RSRC1: variants seen among roughly 807,000 people sequenced by gnomAD.
RSRC1 encodes serine/Arginine-related protein 53.
In RSRC1, 39 loss-of-function variants were observed where a neutral mutation model predicts 49.1. The ratio of observed to expected loss-of-function variants is 0.79; its 90% CI spans 0.61 to 1.04. RSRC1 has a LOEUF of 1.04. Ranked by LOEUF, RSRC1 falls within the 50% of genes least tolerant of loss-of-function variation. The pLI, the probability that RSRC1 is intolerant of heterozygous loss-of-function variation, is 0.00. For missense variants in RSRC1, 388 were observed against 402.4 expected (o/e 0.96, Z 0.31); for synonymous variants, 143 against 130.8 (o/e 1.09, Z -0.63).
intron 7 of RSRC1, among the ~76,000 whole-genome samples, chr3:158,535,298 A>G (rs928938145): frequency 1.3e-5 from 2 of 151,372 alleles, no homozygotes; most frequent in African/African-American, 4.8e-5. Context: ...TAATACATAT[A>G]CATATTAAGA....
At chr3:158,146,780 G>A (rs961480789) in intron 3 of RSRC1, among the ~76,000 whole-genome samples, 4 of 152,124 alleles carry the variant, frequency 2.6e-5, no homozygotes, top group African/African-American at 9.7e-5. Context: ...TGGTTGGTAA[G>A]CTATTAATTA....
intron 6 of RSRC1, among the ~76,000 whole-genome samples, chr3:158,422,677 T>A (rs1208463432): frequency 1.3e-5 from 2 of 151,042 alleles, no homozygotes; most frequent in Non-Finnish European, 3.0e-5. Flanking sequence ...GTTGAACTAG[T>A]TTACAGTCCC....
chr3:158,417,304 A>G lies in RSRC1; in HGVS notation c.584-43631A>G, dbSNP rs114981248. Among the ~76,000 whole-genome samples the G allele has an allele frequency of 6.1e-3, 933 of 152,176 alleles. 13 individuals are homozygous for G. The highest frequency in any genetic ancestry group is 0.022 in the African/African-American group (900 of 41,558). On this transcript the variant is annotated intron_variant, in intron 6 of 9. Coordinates refer to ENST00000611884, the MANE Select transcript of RSRC1 (RefSeq NM_001271838.2). The stretch of plus-strand genomic sequence containing the variant: ...TAATCCTTTTCCAACTCCTAAAGCT[A>G]CCTTAATGCTATCATCAATCTGCTT...
intron 3 of RSRC1, among the ~76,000 whole-genome samples, chr3:158,137,728 A>G (rs1449252891): frequency 5.4e-5 from 8 of 148,264 alleles, no homozygotes; most frequent in Non-Finnish European, 8.9e-5. Flanking sequence ...ATCTCAGCTC[A>G]CTGCGACCTC....
At position 158,537,192 on chromosome 3, in the gene RSRC1, C is replaced by G; in HGVS notation, c.753C>G (p.Val251=). ...AGACATTCAGATCAAGTAAAGAAGT[C>G]AAAAAGGTAAGTTTTTATCCACCCA... is the stretch of plus-strand genomic sequence containing the variant. ...VQQTFRSSKE[V]KKSVEPSEVK... is the part of the protein sequence containing the mutation. The change falls in exon 8 of 10, where the codon GTC becomes GTG. Residue 251 remains valine (V), a synonymous_variant. Transcript: ENST00000611884. 6.4e-7 allele frequency: 1 copy of G among 1,570,048 alleles called. No homozygotes were observed. The highest frequency in any genetic ancestry group is 1.9e-5 in the Admixed American group (1 of 51,876).
chr3:158,149,532 G>T (rs756095419), intron 3 of RSRC1, among the ~76,000 whole-genome samples: 3 of 152,150 alleles, frequency 2.0e-5, no homozygotes, highest in Non-Finnish European at 4.4e-5. Flanking sequence ...ACTATAAAAG[G>T]AAATGAAATT....
chr3:158,509,940 A>G (rs774107484), intron 7 of RSRC1, among the ~76,000 whole-genome samples: 28 of 152,210 alleles, frequency 1.8e-4, no homozygotes, highest in Non-Finnish European at 3.4e-4. Flanking sequence ...CAGGTTGCAT[A>G]TATGCCTAGG....
At chr3:158,162,309 T>C (rs1718278239) in intron 3 of RSRC1, among the ~76,000 whole-genome samples, 1 of 152,220 alleles carries the variant, frequency 6.6e-6, no homozygotes, top group African/African-American at 2.4e-5. Context: ...GGAAGTCTTT[T>C]CAAAGAATAT....
At chr3:158,439,424 T>A (rs1469367975) in intron 6 of RSRC1, among the ~76,000 whole-genome samples, 6 of 152,078 alleles carry the variant, frequency 3.9e-5, no homozygotes, top group Admixed American at 6.6e-5. Context: ...CAAATGTCCA[T>A]CAATGATAGA....
At chr3:158,464,269 A>G (rs1737767791) in intron 7 of RSRC1, among the ~76,000 whole-genome samples, 2 of 152,236 alleles carry the variant, frequency 1.3e-5, no homozygotes, top group South Asian at 2.1e-4. Context: ...TTAATTTGGT[A>G]TGCATTTAAG....
intron 7 of RSRC1, among the ~76,000 whole-genome samples, chr3:158,518,148 A>ATTTTTTTTTTT (rs72132266): frequency 7.2e-4 from 32 of 44,138 alleles, no homozygotes; most frequent in African/African-American, 1.2e-3. Flanking sequence ...ATATATATAT[A>ATTTTTTTTTTT]TTTTTTTTTT....
intron 7 of RSRC1, among the ~76,000 whole-genome samples, chr3:158,482,647 A>G (rs1738657912): frequency 1.3e-5 from 2 of 152,078 alleles, no homozygotes; most frequent in Admixed American, 6.6e-5. Flanking sequence ...CCAGTGCCAT[A>G]AAAGAAAATA....
intron 4 of RSRC1, 102 bp downstream of exon 4, chr3:158,203,347 A>G (rs1352166736): frequency 4.1e-6 from 5 of 1,210,576 alleles, no homozygotes; most frequent in Admixed American, 5.2e-5. Flanking sequence ...CTTATTTGCT[A>G]TAAGAGTAGA....
At chr3:158,523,616 T>C (rs1711830903) in intron 7 of RSRC1, among the ~76,000 whole-genome samples, 3 of 152,100 alleles carry the variant, frequency 2.0e-5, no homozygotes, top group African/African-American at 7.2e-5. Flanking sequence ...TAATGAAGTC[T>C]TTTTTACATT....
intron 3 of RSRC1, among the ~76,000 whole-genome samples, chr3:158,137,304 T>TTA (rs1716438228): frequency 6.6e-6 from 1 of 152,112 alleles, no homozygotes; most frequent in Non-Finnish European, 1.5e-5. Context: ...AAGTGAACTG[T>TTA]TAAGTATTAT....
At chr3:158,148,177 ATG>A (rs1487150851) in intron 3 of RSRC1, among the ~76,000 whole-genome samples, 2 of 152,144 alleles carry the variant, frequency 1.3e-5, no homozygotes, top group Non-Finnish European at 2.9e-5. Context: ...TATGCTTCCT[ATG>A]TATTTCCCTT....
chr3:158,295,115 G>T (rs1727162925), intron 4 of RSRC1, among the ~76,000 whole-genome samples: 1 of 152,096 alleles, frequency 6.6e-6, no homozygotes, highest in African/African-American at 2.4e-5. Context: ...AGTGTTAATG[G>T]AAATATATAG....
At chr3:158,476,590 G>A (rs1738378796) in intron 7 of RSRC1, among the ~76,000 whole-genome samples, 1 of 152,068 alleles carries the variant, frequency 6.6e-6, no homozygotes. Context: ...ACAAAGCCTG[G>A]ATGACAACAC....
intron 7 of RSRC1, among the ~76,000 whole-genome samples, chr3:158,518,702 C>T (rs1332414632): frequency 6.6e-6 from 1 of 152,094 alleles, no homozygotes; most frequent in Non-Finnish European, 1.5e-5. Flanking sequence ...TTTTCCAAAT[C>T]TAGTATAATT....
Sources: gnomAD v4.1 joint callset for allele counts (sites outside exome capture counted in the v4.1 genomes callset) on GRCh38, gnomAD v4.1.1 for gene constraint, MANE v1.5 for transcripts, NCBI Gene and HGNC (gene_info 2026-07-23, HGNC 2026-07-21) for gene names.